The following FRMD4B variants were observed in gnomAD, a reference collection of about 807,000 sequenced individuals.
FRMD4B encodes the protein FERM domain containing 4B, also known as FERM domain-containing protein 4B.
FRMD4B carries 74 observed loss-of-function variants against 141.5 expected under a neutral mutation model. That is an observed-to-expected ratio of 0.52 (90% confidence interval 0.43 to 0.63). The LOEUF is 0.63. Ranked by LOEUF, FRMD4B falls within the 30% of genes least tolerant of loss-of-function variation. The pLI, the probability that FRMD4B is intolerant of heterozygous loss-of-function variation, is 0.00. For synonymous variants in FRMD4B, 506 were observed against 467.9 expected (o/e 1.08, Z -1.05); for missense variants, 1,366 against 1,253.4 (o/e 1.09, Z -1.36).
intron 7 of FRMD4B, among the ~76,000 whole-genome samples, chr3:69,247,850 C>G (rs190097181): frequency 6.6e-6 from 1 of 152,206 alleles, no homozygotes; most frequent in East Asian, 1.9e-4. Context: ...AGGGTTTCAC[C>G]GTGTTAGTCA....
At chr3:69,484,846 T>C (rs1706186649) in intron 1 of FRMD4B, among the ~76,000 whole-genome samples, 1 of 152,120 alleles carries the variant, frequency 6.6e-6, no homozygotes, top group Non-Finnish European at 1.5e-5. Context: ...AGGGGAAGTA[T>C]GTGCTAACTC....
chr3:69,249,368 C>CAG (rs767845555), intron 6 of FRMD4B, 120 bp from the exon 7 acceptor site: 33 of 654,300 alleles, frequency 5.0e-5, no homozygotes, highest in Non-Finnish European at 8.1e-5. Flanking sequence ...GAGTGTTTCT[C>CAG]AGGAATGCTC....
At chr3:69,260,325 A>T (rs906053556) in intron 5 of FRMD4B, among the ~76,000 whole-genome samples, 2 of 152,218 alleles carry the variant, frequency 1.3e-5, no homozygotes, top group African/African-American at 4.8e-5. Flanking sequence ...GCGAGTCAGC[A>T]CGAGTTCCGG....
chr3:69,388,375 G>C (rs1192227648), upstream of FRMD4B, among the ~76,000 whole-genome samples: 1 of 152,190 alleles, frequency 6.6e-6, no homozygotes, highest in East Asian at 1.9e-4. Context: ...CACTGGGCCA[G>C]CAGCTTTAGC....
intron 7 of FRMD4B, among the ~76,000 whole-genome samples, chr3:69,239,923 C>T (rs1442681198): frequency 4.6e-5 from 7 of 152,016 alleles, no homozygotes; most frequent in East Asian, 1.9e-4. Context: ...TGTGGTGGTG[C>T]GTGCCTGTAA....
chr3:69,461,796 G>A (rs145039157), intron 1 of FRMD4B, among the ~76,000 whole-genome samples: 69 of 152,206 alleles, frequency 4.5e-4, no homozygotes, highest in African/African-American at 1.6e-3. Flanking sequence ...ATATATCCTG[G>A]ATTTTTCCAG....
rs186726970 is a variant in FRMD4B at position 69,493,229 on chromosome 3, G to A, written c.-129+48977C>T. Among the ~76,000 whole-genome samples the A allele has an allele frequency of 2.0e-5, 3 of 152,288 alleles. No individual in the cohort carries two copies. The East Asian group carries it at 5.8e-4, about 29-fold the overall frequency. On this transcript the variant is annotated intron_variant, in intron 1 of 5. Coordinates refer to the FRMD4B transcript ENST00000459638. The stretch of plus-strand genomic sequence containing the variant: ...TTGTCAATTTATCAAATTAAGAGGG[G>A]AGAGTAGAGTACAGTGTAAGGTCTA...
intron 1 of FRMD4B, among the ~76,000 whole-genome samples, chr3:69,335,921 C>T (rs1702534671): frequency 6.6e-6 from 1 of 151,756 alleles, no homozygotes; most frequent in African/African-American, 2.4e-5. Context: ...CACGCTTTCA[C>T]CATGTTGGCC....
intron 1 of FRMD4B, among the ~76,000 whole-genome samples, chr3:69,538,899 C>T (rs1701123849): frequency 6.6e-6 from 1 of 152,100 alleles, no homozygotes; most frequent in African/African-American, 2.4e-5. Flanking sequence ...CAAATAACAA[C>T]TACATTGAAA....
At position 69,169,172 on chromosome 3, in the gene FRMD4B, T is replaced by A. The variant is rs2092562997; in HGVS notation, c.*2689A>T. The stretch of plus-strand genomic sequence containing the variant: ...GTTATGTACTATTTTGGTTTTGCAT[T>A]TAACCATGGTATTTTGTAATAAAAA... On this transcript the variant is annotated 3_prime_UTR_variant, in exon 23 of 23. Coordinates refer to ENST00000398540, the MANE Select transcript of FRMD4B (RefSeq NM_015123.3). 6.6e-6 allele frequency among the ~76,000 whole-genome samples: 1 copy of A among 152,154 alleles called. No individual in the cohort carries two copies. The highest frequency in any genetic ancestry group is 1.5e-5 in the Non-Finnish European group (1 of 68,012).
intron 19 of FRMD4B, among the ~76,000 whole-genome samples, chr3:69,185,642 T>C (rs1409307727): frequency 2.0e-5 from 3 of 152,184 alleles, no homozygotes; most frequent in Non-Finnish European, 4.4e-5. Flanking sequence ...AGTGTGCTTA[T>C]CTGTAAAGGG....
chr3:69,472,310 TC>T, intron 1 of FRMD4B: 2 of 431,990 alleles, frequency 4.6e-6, no homozygotes, highest in Non-Finnish European at 9.1e-6. Flanking sequence ...ACTTTTTTTT[TC>T]TTTGCATATT....
chr3:69,506,889 C>A (rs146756675), intron 1 of FRMD4B, among the ~76,000 whole-genome samples: 2 of 152,078 alleles, frequency 1.3e-5, no homozygotes, highest in South Asian at 2.1e-4. Context: ...GTGCACACTG[C>A]GGTGACGATT....
At chr3:69,232,369 G>A (rs1469302994) in intron 7 of FRMD4B, among the ~76,000 whole-genome samples, 1 of 152,136 alleles carries the variant, frequency 6.6e-6, no homozygotes, top group Non-Finnish European at 1.5e-5. Flanking sequence ...GAACATGCTT[G>A]CATTTTATCT....
chr3:69,514,921 A>T (rs1258539964), intron 1 of FRMD4B, among the ~76,000 whole-genome samples: 2 of 152,206 alleles, frequency 1.3e-5, no homozygotes, highest in Admixed American at 6.5e-5. Context: ...TTTTGAAAAA[A>T]ATGAACAAAG....
At chr3:69,465,634 T>C (rs556543515) in intron 1 of FRMD4B, among the ~76,000 whole-genome samples, 1 of 151,498 alleles carries the variant, frequency 6.6e-6, no homozygotes, top group African/African-American at 2.4e-5. Flanking sequence ...AGTAAGAATA[T>C]GTGGTGTTTG....
In FRMD4B at chr3:69,171,022, T is replaced by C. The variant is rs547905207; in HGVS notation, c.*839A>G. On this transcript the variant is annotated 3_prime_UTR_variant, in exon 23 of 23. Transcript: ENST00000398540. ...TTATAAAAACTTTCCATATTAAGTC[T>C]GCCACTTCAAATGACAGCCGAGTTG... 8.5e-5 allele frequency: 13 copies of C among 152,326 alleles called. No individual in the cohort carries two copies. The highest frequency in any genetic ancestry group is 2.9e-4 in the African/African-American group (12 of 41,566). 9.4% of individuals were successfully genotyped at this position (152,326 alleles called of 1,614,324 possible). A position where few individuals can be genotyped will look rare whatever the true frequency, so the allele number is the denominator to read the frequency against.
chr3:69,501,085 GC>G (rs1312629719), intron 1 of FRMD4B, among the ~76,000 whole-genome samples: 1 of 152,000 alleles, frequency 6.6e-6, no homozygotes, highest in African/African-American at 2.4e-5. Context: ...TAAAAATCAG[GC>G]AATCCAAAAT....
chr3:69,256,807 C>T (rs1355683545), intron 5 of FRMD4B, among the ~76,000 whole-genome samples: 1 of 152,220 alleles, frequency 6.6e-6, no homozygotes, highest in Non-Finnish European at 1.5e-5. Context: ...TTGCACCCCA[C>T]TCCTACTCAC....
Sources: allele counts gnomAD v4.1 joint callset (sites outside exome capture counted in the v4.1 genomes callset), GRCh38; gene constraint gnomAD v4.1.1; transcripts MANE v1.5; gene names NCBI Gene and HGNC (gene_info 2026-07-23, HGNC 2026-07-21).